Variants in TBXAS1 observed in about 807,000 individuals in gnomAD.
TBXAS1 encodes thromboxane-A synthase.
Under a neutral mutation model 60.7 loss-of-function variants are expected in TBXAS1, and 48 were observed. That is an observed-to-expected ratio of 0.79 (90% CI 0.63 to 1.01). The LOEUF is 1.01. Among genes scored for constraint, TBXAS1 ranks in the 50% least tolerant of loss-of-function variants. The probability of loss-of-function intolerance (pLI) is 0.00; values close to 1 mark genes in which losing one functional copy is unlikely to be tolerated. For missense variants in TBXAS1, 685 were observed against 686.3 expected, an observed-to-expected ratio of 1.00 and a Z score of 0.02; for synonymous variants, 287 against 269.7, an observed-to-expected ratio of 1.06 and a Z score of -0.63.
intron 8 of TBXAS1, among the ~76,000 whole-genome samples, chr7:139,961,329 A>G (rs2117374594): frequency 6.6e-6 from 1 of 152,322 alleles, no homozygotes. Flanking sequence ...CACAGAAGTG[A>G]GCAGTACAGC....
At chr7:139,893,325 G>GACACACACACACACACACAC (rs71170920) in intron 3 of TBXAS1, among the ~76,000 whole-genome samples, 54 of 139,972 alleles carry the variant, frequency 3.9e-4, no homozygotes, top group Middle Eastern at 3.6e-3. Flanking sequence ...CTATGGAATA[G>GACACACACACACACACACAC]ACACACACAC....
intron 3 of TBXAS1, among the ~76,000 whole-genome samples, chr7:139,877,376 T>C (rs185603886): frequency 9.0e-4 from 137 of 152,358 alleles, no homozygotes; most frequent in African/African-American, 3.2e-3. Flanking sequence ...ACATTTCTCT[T>C]ACCGTTGTGT....
chr7:139,922,746 C>T (rs1364016267), intron 4 of TBXAS1, among the ~76,000 whole-genome samples: 1 of 152,190 alleles, frequency 6.6e-6, no homozygotes, highest in Admixed American at 6.5e-5. Flanking sequence ...CATTATGGTT[C>T]TACCTCTCAC....
At chr7:139,948,275 A>G (rs1293215293) in intron 5 of TBXAS1, among the ~76,000 whole-genome samples, 2 of 152,152 alleles carry the variant, frequency 1.3e-5, no homozygotes, top group African/African-American at 4.8e-5. Context: ...TGTGCCCACA[A>G]GACCTGTTCT....
Position 139,962,238 on chromosome 7 carries a change from G to A in TBXAS1, c.1134+5G>A, listed in dbSNP as rs1810428879. On this transcript the variant is annotated splice_donor_5th_base_variant and intron_variant, in intron 9 of 12. Coordinates refer to ENST00000448866, the MANE Select transcript of TBXAS1 (RefSeq NM_001061.7). The stretch of plus-strand genomic sequence containing the variant: ...GACGTTTTTAAGGAGAAACACGTGA[G>A]TACAAGTTGGATCCAGTTACCCATG... 2 of 1,614,038 alleles carry A rather than the reference G, an allele frequency of 1.2e-6. No homozygotes were observed. Among genetic ancestry groups the A allele is most frequent in the Non-Finnish European group, 1.7e-6 (2 of 1,180,024 alleles).
At chr7:139,935,333 A>G (rs907658624) in intron 4 of TBXAS1, among the ~76,000 whole-genome samples, 1 of 152,192 alleles carries the variant, frequency 6.6e-6, no homozygotes, top group African/African-American at 2.4e-5. Context: ...ATGCCTACAC[A>G]TCACTTTATG....
At chr7:139,785,325 CT>C (rs1797155169) in intron 3 of TBXAS1, among the ~76,000 whole-genome samples, 1 of 152,078 alleles carries the variant, frequency 6.6e-6, no homozygotes, top group African/African-American at 2.4e-5. Flanking sequence ...CTCATTAGCT[CT>C]TGTCCCACAT....
At chr7:139,882,162 G>A (rs896606891) in intron 3 of TBXAS1, among the ~76,000 whole-genome samples, 1 of 152,230 alleles carries the variant, frequency 6.6e-6, no homozygotes. Flanking sequence ...AATACTGGCA[G>A]ATGGCTATGT....
chr7:139,819,229 A>G (rs900925803), intron 4 of TBXAS1, among the ~76,000 whole-genome samples: 1 of 152,122 alleles, frequency 6.6e-6, no homozygotes, highest in African/African-American at 2.4e-5. Context: ...GGCCTGTAAA[A>G]TTCTTCCTCA....
At chr7:140,008,306 G>C (rs1166086960) in intron 10 of TBXAS1, among the ~76,000 whole-genome samples, 1 of 152,152 alleles carries the variant, frequency 6.6e-6, no homozygotes, top group Admixed American at 6.5e-5. Context: ...ACAAGGTTTT[G>C]GGTCTCAGTG....
At chr7:139,815,152 A>G (rs775979442) in intron 4 of TBXAS1, among the ~76,000 whole-genome samples, 3 of 152,236 alleles carry the variant, frequency 2.0e-5, no homozygotes, top group Admixed American at 6.5e-5. Context: ...TAAAACCAAC[A>G]TTAGGACTGT....
intron 5 of TBXAS1, among the ~76,000 whole-genome samples, chr7:139,942,194 T>G (rs1308878639): frequency 6.6e-6 from 1 of 152,188 alleles, no homozygotes; most frequent in Admixed American, 6.5e-5. Flanking sequence ...GGAAAAGGAT[T>G]TGAAATATGG....
intron 11 of TBXAS1, among the ~76,000 whole-genome samples, chr7:140,016,128 A>G (rs1815032559): frequency 6.6e-6 from 1 of 152,244 alleles, no homozygotes; most frequent in African/African-American, 2.4e-5. Context: ...GGAGATCGAG[A>G]CCATCCTGGC....
rs1805211725 is a variant in TBXAS1, at chr7:139,907,669, C to T, written c.237-3556C>T. Among the ~76,000 whole-genome samples, 5 of 151,870 alleles carry T rather than the reference C, an allele frequency of 3.3e-5. No individual in the cohort carries two copies. The South Asian group carries it at 1.0e-3, about 32-fold the overall frequency. On this transcript the variant is annotated intron_variant, in intron 3 of 12. Transcript: ENST00000448866. ...TGTACTCTCTAAGTACATTGAGTAC[C>T]ACATCATAGGGTGGTGTAATTTTTG...
intron 1 of TBXAS1, among the ~76,000 whole-genome samples, chr7:139,847,516 GCCAACTAACCAA>G (rs1205320503): frequency 1.1e-4 from 17 of 152,024 alleles, no homozygotes; most frequent in Non-Finnish European, 1.9e-4. Context: ...AACTGAGCCA[GCCAACTAACCAA>G]CCAACCAACC....
chr7:139,855,964 A>AAAGG (rs1170371379), intron 1 of TBXAS1, among the ~76,000 whole-genome samples: 1 of 152,230 alleles, frequency 6.6e-6, no homozygotes, highest in Non-Finnish European at 1.5e-5. Flanking sequence ...TTCCTTATTT[A>AAAGG]ACTGAGGGTT....
intron 1 of TBXAS1, among the ~76,000 whole-genome samples, chr7:139,843,320 C>CTTTA (rs3070196): frequency 0.09 from 13,316 of 147,794 alleles, 631 homozygotes; most frequent in Non-Finnish European, 0.095. Flanking sequence ...TACTACTTTA[C>CTTTA]TTTATTTATT....
intron 3 of TBXAS1, among the ~76,000 whole-genome samples, chr7:139,785,641 T>A (rs971382040): frequency 2.0e-5 from 3 of 152,088 alleles, no homozygotes; most frequent in Admixed American, 1.3e-4. Context: ...TTAATTCACA[T>A]AACTGATTGT....
chr7:139,931,189 C>G (rs886272227), intron 4 of TBXAS1, among the ~76,000 whole-genome samples: 1 of 152,134 alleles, frequency 6.6e-6, no homozygotes, highest in African/African-American at 2.4e-5. Context: ...GTTTCCTAAT[C>G]TTGTCTATCT....
Sources: gnomAD v4.1 joint callset for allele counts (sites outside exome capture counted in the v4.1 genomes callset) on GRCh38, gnomAD v4.1.1 for gene constraint, MANE v1.5 for transcripts, NCBI Gene and HGNC (gene_info 2026-07-23, HGNC 2026-07-21) for gene names.